The following PLAGL1 variants were observed in gnomAD, a reference collection of about 807,000 sequenced individuals.
PLAGL1 encodes zinc finger protein PLAGL1.
PLAGL1 carries 1 observed loss-of-function variant against 4.6 expected under a neutral mutation model. The ratio of observed to expected loss-of-function variants is 0.22; its 90% confidence interval spans 0.08 to 1.03. The LOEUF (loss-of-function observed/expected upper bound fraction) is 1.03. Ranked by LOEUF, PLAGL1 falls within the 50% of genes least tolerant of loss-of-function variation. The pLI is 0.58. For synonymous variants in PLAGL1, 240 were observed against 237.8 expected (o/e 1.01, Z -0.08); for missense variants, 464 against 570.4 (o/e 0.81, Z 1.90).
chr6:144,062,044 T>C (rs1289254695), intron 1 of PLAGL1, among the ~76,000 whole-genome samples: 4 of 152,220 alleles, frequency 2.6e-5, no homozygotes, highest in African/African-American at 9.7e-5. Context: ...CTGAGACTTT[T>C]ATGAAGATGA....
chr6:143,953,950 C>T lies in PLAGL1; in HGVS notation c.-324-5490G>A, dbSNP rs1781572233. On this transcript the variant is annotated intron_variant, in intron 6 of 7. Transcript: ENST00000674357. This position sits in a 1 kb window ranked among gnomAD's most constrained non-coding sequence, Gnocchi z 5.3. ...CCTGATGCCTGCAGTGGGGTGCCTG[C>T]CCTTCCTTCCCCTAGCACAAGTGCT... Among the ~76,000 whole-genome samples, 1 of 152,134 alleles carries T rather than the reference C, an allele frequency of 6.6e-6. No homozygotes were observed. Among genetic ancestry groups the T allele is most frequent in the South Asian group, 2.1e-4 (1 of 4,826 alleles).
At chr6:144,057,240 T>C (rs1181114824) in intron 1 of PLAGL1, among the ~76,000 whole-genome samples, 1 of 152,350 alleles carries the variant, frequency 6.6e-6, no homozygotes, top group South Asian at 2.1e-4. Context: ...AGAAGACCTA[T>C]ATAAAGACAA....
rs201578684 is a variant in PLAGL1, at chr6:144,039,461, T to C, written c.-151+25007A>G. On this transcript the variant is annotated intron_variant, in intron 1 of 3. Coordinates refer to the PLAGL1 transcript ENST00000437412. The surrounding 1 kb of genome is among the most constrained non-coding windows in gnomAD (Gnocchi z 4.1). ...ATTAGCTGGGCATGTTGGCACATGC[T>C]TGTAATCCCAGCTACTCAAGAGGCT... 5.3e-5 allele frequency among the ~76,000 whole-genome samples: 8 copies of C among 152,200 alleles called. No individual in the cohort carries two copies. The East Asian group carries it at 1.4e-3, about 26-fold the overall frequency.
At chr6:143,976,276 ATTTCT>A (rs1281576805) in intron 2 of PLAGL1, among the ~76,000 whole-genome samples, 1 of 91,066 alleles carries the variant, frequency 1.1e-5, no homozygotes, top group Non-Finnish European at 2.4e-5. Context: ...TGAGCCTGAG[ATTTCT>A]TTTCTTTTTT....
intron 2 of PLAGL1, among the ~76,000 whole-genome samples, chr6:143,974,954 C>T (rs548283315): frequency 6.6e-6 from 1 of 152,282 alleles, no homozygotes; most frequent in African/African-American, 2.4e-5. Flanking sequence ...AATCCATTTA[C>T]GTATCTTTCA....
intron 1 of PLAGL1, among the ~76,000 whole-genome samples, chr6:143,996,766 G>A (rs1791714388): frequency 6.6e-6 from 1 of 151,840 alleles, no homozygotes; most frequent in South Asian, 2.1e-4. Context: ...TTTCAACAAG[G>A]GCACCATGCA....
intron 1 of PLAGL1, among the ~76,000 whole-genome samples, chr6:144,041,098 A>G (rs1234094360): frequency 6.6e-6 from 1 of 152,148 alleles, no homozygotes; most frequent in Non-Finnish European, 1.5e-5. Flanking sequence ...AATGGGGAGT[A>G]GCAAGTTAAC....
chr6:143,946,978 T>A (rs1002195612), intron 7 of PLAGL1, among the ~76,000 whole-genome samples: 1 of 152,206 alleles, frequency 6.6e-6, no homozygotes, highest in Non-Finnish European at 1.5e-5. Context: ...CCTGTGATAT[T>A]AAAAAGATCC....
chr6:144,050,520 AT>A lies in PLAGL1; in HGVS notation c.-151+13947del, dbSNP rs749841374. Among the ~76,000 whole-genome samples, 1 of 152,126 alleles carries A rather than the reference AT, an allele frequency of 6.6e-6. No individual in the cohort carries two copies. The highest frequency in any genetic ancestry group is 1.9e-4 in the East Asian group (1 of 5,196). On this transcript the variant is annotated intron_variant, in intron 1 of 3. Transcript: ENST00000437412. The surrounding 1 kb of genome is among the most constrained non-coding windows in gnomAD (Gnocchi z 4.3). ...GTCTCTTCTCTATGTTTATGTCTCT[AT>A]TATTACATTATAGGCTTATTCTAGG...
At chr6:144,028,067 A>G (rs1174344046) in intron 1 of PLAGL1, among the ~76,000 whole-genome samples, 1 of 152,218 alleles carries the variant, frequency 6.6e-6, no homozygotes, top group Non-Finnish European at 1.5e-5. Context: ...ATGGTTCTTT[A>G]TCACTCTTAC....
At position 143,982,924 on chromosome 6, in the gene PLAGL1, G is replaced by C. The variant is rs1447453555; in HGVS notation, c.-544+2211C>G. 1.3e-5 allele frequency among the ~76,000 whole-genome samples: 2 copies of C among 152,184 alleles called. No individual in the cohort carries two copies. Among genetic ancestry groups the C allele is most frequent in the Non-Finnish European group, 2.9e-5 (2 of 68,034 alleles). On this transcript the variant is annotated intron_variant, in intron 2 of 7. Transcript: ENST00000674357. The surrounding 1 kb of genome is among the most constrained non-coding windows in gnomAD (Gnocchi z 5.3). ...ATCCAGCAATTGGATATTTTAATCT[G>C]GAGTTTAGAGAAGAGGTCCATACTG...
At chr6:144,021,699 G>C (rs1795989625) in intron 1 of PLAGL1, among the ~76,000 whole-genome samples, 1 of 152,116 alleles carries the variant, frequency 6.6e-6, no homozygotes, top group Non-Finnish European at 1.5e-5. Context: ...ATTCTGGAAG[G>C]CCATCATTAC....
intron 1 of PLAGL1, among the ~76,000 whole-genome samples, chr6:144,001,189 A>G (rs1424541160): frequency 2.0e-5 from 3 of 151,888 alleles, no homozygotes; most frequent in Non-Finnish European, 4.4e-5. Flanking sequence ...AAAAAAAAAT[A>G]AAAATTTTTA....
Position 144,016,782 on chromosome 6 carries a change from A to G in PLAGL1, c.-151+47686T>C, listed in dbSNP as rs931135495. On this transcript the variant is annotated intron_variant, in intron 1 of 3. Transcript: ENST00000437412. This position sits in a 1 kb window ranked among gnomAD's most constrained non-coding sequence, Gnocchi z 4.2. ...ATACTTCAGTAAGTGTCATTAAATT[A>G]TTTCCTTTCTTATTTGGATAGGATG... 7.2e-5 allele frequency among the ~76,000 whole-genome samples: 11 copies of G among 152,292 alleles called. No individual in the cohort carries two copies. In the South Asian group the frequency reaches 1.2e-3, roughly 17 times the overall value.
At chr6:143,999,690 C>G (rs1792414442) in intron 1 of PLAGL1, among the ~76,000 whole-genome samples, 1 of 152,134 alleles carries the variant, frequency 6.6e-6, no homozygotes, top group Non-Finnish European at 1.5e-5. Context: ...CTTTATGACT[C>G]ATGAATATTA....
At chr6:144,017,550 T>A (rs145411111) in intron 1 of PLAGL1, among the ~76,000 whole-genome samples, 104 of 152,362 alleles carry the variant, frequency 6.8e-4, no homozygotes, top group African/African-American at 2.3e-3. Flanking sequence ...AGTTTTTCCA[T>A]GTACTCATTA....
chr6:144,054,794 T>A (rs1456092269), intron 1 of PLAGL1, among the ~76,000 whole-genome samples: 3 of 151,086 alleles, frequency 2.0e-5, no homozygotes, highest in African/African-American at 4.9e-5. Context: ...TGTGTGTGTG[T>A]GTGTGTGTGT....
At chr6:143,986,778 T>C (rs1789270585) in intron 1 of PLAGL1, among the ~76,000 whole-genome samples, 1 of 152,202 alleles carries the variant, frequency 6.6e-6, no homozygotes, top group South Asian at 2.1e-4. Flanking sequence ...CATTCAACAG[T>C]GCTTAAAAGG....
At chr6:144,007,609 CCCA>C (rs1420007719) in intron 1 of PLAGL1, 1 of 152,098 alleles carries the variant, frequency 6.6e-6, no homozygotes, top group Non-Finnish European at 1.5e-5. Flanking sequence ...TTTTTAGGAC[CCCA>C]CGTTTTTAAA....
Sources: allele counts gnomAD v4.1 joint callset (sites outside exome capture counted in the v4.1 genomes callset), GRCh38; gene constraint gnomAD v4.1.1; non-coding constraint Gnocchi (gnomAD v3.1); transcripts MANE v1.5; gene names NCBI Gene and HGNC (gene_info 2026-07-23, HGNC 2026-07-21).